The following NXPE4 variants were observed in gnomAD, a reference collection of about 807,000 sequenced individuals.
NXPE4 encodes NXPE family member 4.
NXPE4 carries 42 observed loss-of-function variants against 33.3 expected under a neutral mutation model. The ratio of observed to expected loss-of-function variants is 1.26; its 90% CI spans 0.98 to 1.63. The LOEUF is 1.63. Among genes scored for constraint, NXPE4 ranks in the 40% most tolerant of loss-of-function variants. NXPE4 has a pLI of 0.00. For missense variants in NXPE4, 709 were observed against 647.6 expected (o/e 1.09, Z -1.03); for synonymous variants, 253 against 234.9 (o/e 1.08, Z -0.71).
the NXPE4 span, among the ~76,000 whole-genome samples, chr11:114,600,799 G>C: frequency 6.6e-6 from 1 of 152,038 alleles, no homozygotes; most frequent in East Asian, 1.9e-4. Context: ...TATGCAAGAT[G>C]TTATTTACTG....
chr11:114,616,994 C>T, the NXPE4 span, among the ~76,000 whole-genome samples: 5 of 150,412 alleles, frequency 3.3e-5, no homozygotes, highest in Non-Finnish European at 1.5e-5. Context: ...TTGTGGGTAA[C>T]CACTGTTACC....
At chr11:114,573,926 A>T (rs906424782) in intron 5 of NXPE4, among the ~76,000 whole-genome samples, 2 of 152,116 alleles carry the variant, frequency 1.3e-5, no homozygotes, top group Non-Finnish European at 2.9e-5. Context: ...TTATCAGCAC[A>T]TGGAACATTC....
chr11:114,669,852 T>C, the NXPE4 span, among the ~76,000 whole-genome samples: 4 of 152,106 alleles, frequency 2.6e-5, no homozygotes, highest in African/African-American at 9.7e-5. Flanking sequence ...GTTCCATTAT[T>C]GGAACACTAA....
chr11:114,575,253 T>C (rs1318492577), intron 5 of NXPE4, among the ~76,000 whole-genome samples: 3 of 151,940 alleles, frequency 2.0e-5, no homozygotes, highest in Non-Finnish European at 4.4e-5. Flanking sequence ...TGGGGAAAAG[T>C]TGAAAGCATT....
chr11:114,609,575 C>T, the NXPE4 span, among the ~76,000 whole-genome samples: 1 of 151,824 alleles, frequency 6.6e-6, no homozygotes, highest in Non-Finnish European at 1.5e-5. Flanking sequence ...TGGGTAACCA[C>T]TGTTACCATG....
chr11:114,612,264 C>T, the NXPE4 span, among the ~76,000 whole-genome samples: 229 of 151,988 alleles, frequency 1.5e-3, 1 homozygote, highest in East Asian at 0.017. Context: ...AGTGTTGCCT[C>T]TTCAGTAACC....
the NXPE4 span, among the ~76,000 whole-genome samples, chr11:114,605,075 A>T: frequency 5.9e-5 from 9 of 151,972 alleles, no homozygotes; most frequent in Non-Finnish European, 1.2e-4. Flanking sequence ...TACCCAGTGG[A>T]TAATAAATAT....
At chr11:114,657,517 C>G in the NXPE4 span, among the ~76,000 whole-genome samples, 2 of 152,100 alleles carry the variant, frequency 1.3e-5, no homozygotes, top group East Asian at 3.8e-4. Context: ...GCCACTTACT[C>G]TTACCACTAC....
intron 5 of NXPE4, among the ~76,000 whole-genome samples, chr11:114,579,922 T>C (rs556057389): frequency 1.3e-4 from 20 of 152,320 alleles, no homozygotes; most frequent in African/African-American, 4.6e-4. Context: ...GATAGGGATG[T>C]AATAAACCTT....
chr11:114,663,626 T>TATCATCTATC, the NXPE4 span, among the ~76,000 whole-genome samples: 1 of 55,560 alleles, frequency 1.8e-5, no homozygotes, highest in Non-Finnish European at 4.3e-5. Context: ...TCTATCTATC[T>TATCATCTATC]ATCTATCTAT....
chr11:114,610,389 G>A, the NXPE4 span, among the ~76,000 whole-genome samples: 17 of 151,862 alleles, frequency 1.1e-4, no homozygotes, highest in Admixed American at 2.6e-4. Context: ...TGCCTCGTGG[G>A]TAACCACTGT....
the NXPE4 span, among the ~76,000 whole-genome samples, chr11:114,628,060 C>T: frequency 2.7e-5 from 4 of 150,146 alleles, no homozygotes; most frequent in African/African-American, 9.9e-5. Context: ...GACTCCCACA[C>T]GTTAATAATG....
chr11:114,672,574 A>T, the NXPE4 span, among the ~76,000 whole-genome samples: 1 of 151,998 alleles, frequency 6.6e-6, no homozygotes, highest in Non-Finnish European at 1.5e-5. Context: ...TACTGCCTAC[A>T]AGACACATAC....
the NXPE4 span, among the ~76,000 whole-genome samples, chr11:114,629,153 C>A: frequency 2.0e-5 from 3 of 151,954 alleles, no homozygotes; most frequent in East Asian, 1.9e-4. Context: ...AAAGAGGGAA[C>A]CCTCCCTAAC....
chr11:114,646,341 T>C, the NXPE4 span, among the ~76,000 whole-genome samples: 1 of 151,700 alleles, frequency 6.6e-6, no homozygotes, highest in South Asian at 2.1e-4. Context: ...AATAACTTAA[T>C]CAAGTTCTTT....
At chr11:114,676,341 T>A in the NXPE4 span, among the ~76,000 whole-genome samples, 5 of 151,748 alleles carry the variant, frequency 3.3e-5, no homozygotes, top group African/African-American at 1.2e-4. Context: ...GGAAAAAACA[T>A]TTGCAAACCA....
the NXPE4 span, among the ~76,000 whole-genome samples, chr11:114,633,136 A>C: frequency 8.0e-6 from 1 of 125,420 alleles, no homozygotes; most frequent in East Asian, 2.3e-4. Flanking sequence ...TATATTTCAT[A>C]TATTATTTTA....
chr11:114,639,413 C>T, the NXPE4 span, among the ~76,000 whole-genome samples: 15 of 151,964 alleles, frequency 9.9e-5, no homozygotes, highest in South Asian at 8.3e-4. Context: ...TGACCCCTTG[C>T]GCTTCCTGAG....
At chr11:114,601,918 A>ATAT in the NXPE4 span, among the ~76,000 whole-genome samples, 13,491 of 55,616 alleles carry the variant, frequency 0.24, 1,414 homozygotes, top group African/African-American at 0.28. Context: ...ATATAATTAT[A>ATAT]TATAATATAT....
Sources: gnomAD v4.1 joint callset for allele counts (sites outside exome capture counted in the v4.1 genomes callset) on GRCh38, gnomAD v4.1.1 for gene constraint, MANE v1.5 for transcripts, NCBI Gene and HGNC (gene_info 2026-07-23, HGNC 2026-07-21) for gene names.